AGBL4: variants seen among roughly 807,000 people sequenced by gnomAD.
AGBL4 encodes AGBL carboxypeptidase 4.
A neutral mutation model predicts 66.4 loss-of-function variants in AGBL4; 58 were observed. That is an observed-to-expected ratio of 0.87 (90% confidence interval 0.71 to 1.09). The LOEUF (loss-of-function observed/expected upper bound fraction) is 1.09, where lower values mean the gene tolerates loss of function less well. Ranked by LOEUF, AGBL4 falls within the 50% of genes least tolerant of loss-of-function variation. AGBL4 has a pLI of 0.00. For synonymous variants in AGBL4, 234 were observed against 222.9 expected, an observed-to-expected ratio of 1.05 and a Z score of -0.44; for missense variants, 579 against 631.0, an observed-to-expected ratio of 0.92 and a Z score of 0.88.
intron 1 of AGBL4, among the ~76,000 whole-genome samples, chr1:49,950,243 T>C (rs1656037867): frequency 6.6e-6 from 1 of 150,380 alleles, no homozygotes; most frequent in South Asian, 2.1e-4. Flanking sequence ...GAACTAATGG[T>C]ATTCATGGCA....
At chr1:48,954,133 T>C (rs1175372794) in intron 5 of AGBL4, among the ~76,000 whole-genome samples, 1 of 152,160 alleles carries the variant, frequency 6.6e-6, no homozygotes, top group Non-Finnish European at 1.5e-5. Context: ...GATTTGCACT[T>C]CAATTCCCTC....
chr1:49,433,493 G>C (rs1233440290), intron 3 of AGBL4, among the ~76,000 whole-genome samples: 1 of 152,130 alleles, frequency 6.6e-6, no homozygotes, highest in Non-Finnish European at 1.5e-5. Flanking sequence ...GATGATTGTT[G>C]AGTGAGAGAA....
chr1:49,245,959 G>T (rs1651610546), intron 3 of AGBL4, 95 bp from the exon 4 acceptor site: 7 of 913,994 alleles, frequency 7.7e-6, no homozygotes, highest in South Asian at 1.5e-5. Flanking sequence ...GTTAAAGAAA[G>T]CCATATGGAC....
intron 3 of AGBL4, among the ~76,000 whole-genome samples, chr1:49,261,727 A>C (rs1653189197): frequency 1.3e-5 from 2 of 149,388 alleles, no homozygotes; most frequent in Admixed American, 1.3e-4. Flanking sequence ...GAAAATGGCC[A>C]TACTGCCCAA....
intron 8 of AGBL4, among the ~76,000 whole-genome samples, chr1:48,650,961 C>G (rs1330050600): frequency 1.3e-5 from 2 of 152,298 alleles, no homozygotes; most frequent in African/African-American, 4.8e-5. Flanking sequence ...CAAGTCTCAC[C>G]AAACCATGGA....
At chr1:49,277,955 C>T (rs950328480) in intron 3 of AGBL4, among the ~76,000 whole-genome samples, 2 of 152,006 alleles carry the variant, frequency 1.3e-5, no homozygotes, top group Non-Finnish European at 2.9e-5. Context: ...CTGTTTTGTT[C>T]TAAGTACTTA....
At chr1:49,455,965 T>A (rs1208228004) in intron 3 of AGBL4, among the ~76,000 whole-genome samples, 1 of 151,772 alleles carries the variant, frequency 6.6e-6, no homozygotes, top group Non-Finnish European at 1.5e-5. Flanking sequence ...CTTTGCAGCA[T>A]TGTCTATAGA....
At chr1:49,140,470 T>A (rs12046105) in intron 4 of AGBL4, among the ~76,000 whole-genome samples, 6,375 of 152,264 alleles carry the variant, frequency 0.042, 176 homozygotes, top group East Asian at 0.073. Flanking sequence ...CAACCCAATC[T>A]TTTTAAGACA....
intron 2 of AGBL4, among the ~76,000 whole-genome samples, chr1:49,707,498 C>T (rs898169622): frequency 4.0e-5 from 6 of 151,424 alleles, no homozygotes; most frequent in African/African-American, 1.5e-4. Context: ...GATCTTGACC[C>T]TTTATCTAAT....
At chr1:48,996,821 T>TCCTTCCTC (rs1487871900) in intron 5 of AGBL4, among the ~76,000 whole-genome samples, 1 of 128,998 alleles carries the variant, frequency 7.8e-6, no homozygotes, top group Admixed American at 7.2e-5. Flanking sequence ...CTTCCTCCCT[T>TCCTTCCTC]CCTTCCTTCC....
intron 5 of AGBL4, among the ~76,000 whole-genome samples, chr1:48,972,059 A>G (rs1172157839): frequency 6.6e-6 from 1 of 152,140 alleles, no homozygotes; most frequent in Non-Finnish European, 1.5e-5. Flanking sequence ...CTGCATGACT[A>G]TGGGTCAGTA....
At chr1:49,874,904 C>T (rs574772648) in intron 1 of AGBL4, among the ~76,000 whole-genome samples, 2 of 150,936 alleles carry the variant, frequency 1.3e-5, no homozygotes, top group South Asian at 4.2e-4. Context: ...ATACATGTGA[C>T]ATGCTGGTGT....
chr1:49,943,380 G>T (rs970016383), intron 1 of AGBL4, among the ~76,000 whole-genome samples: 8 of 152,088 alleles, frequency 5.3e-5, no homozygotes, highest in African/African-American at 1.9e-4. Flanking sequence ...AATCAGGAAA[G>T]CCAAGAGAAC....
intron 4 of AGBL4, among the ~76,000 whole-genome samples, chr1:49,162,067 A>G (rs934128656): frequency 6.6e-6 from 1 of 152,198 alleles, no homozygotes; most frequent in East Asian, 1.9e-4. Context: ...CAACAGAGAT[A>G]GGGGTACCTT....
chr1:48,665,689 T>TAC (rs1646175394), intron 6 of AGBL4, among the ~76,000 whole-genome samples: 1 of 151,520 alleles, frequency 6.6e-6, no homozygotes, highest in African/African-American at 2.5e-5. Context: ...CATTTCCATT[T>TAC]ACAATTTACA....
intron 4 of AGBL4, among the ~76,000 whole-genome samples, chr1:49,139,484 G>A (rs1407896517): frequency 1.3e-5 from 2 of 152,054 alleles, no homozygotes; most frequent in Non-Finnish European, 2.9e-5. Context: ...CTGGTAGAGT[G>A]GGAATTCAAA....
intron 6 of AGBL4, among the ~76,000 whole-genome samples, chr1:48,806,286 C>A (rs1645922092): frequency 6.6e-6 from 1 of 152,052 alleles, no homozygotes; most frequent in South Asian, 2.1e-4. Flanking sequence ...TAGAATGGGG[C>A]AAAAAGATGT....
intron 2 of AGBL4, among the ~76,000 whole-genome samples, chr1:49,791,740 T>G (rs574511226): frequency 3.3e-5 from 5 of 152,136 alleles, no homozygotes; most frequent in Non-Finnish European, 7.4e-5. Context: ...TATCTCATGA[T>G]AGAAGACTCT....
intron 1 of AGBL4, among the ~76,000 whole-genome samples, chr1:50,001,573 T>C (rs1660760193): frequency 1.3e-5 from 2 of 151,810 alleles, no homozygotes; most frequent in South Asian, 4.2e-4. Flanking sequence ...GGGTTGCAAA[T>C]TTTAGGAGCT....
Sources: gnomAD v4.1 joint callset for allele counts (sites outside exome capture counted in the v4.1 genomes callset) on GRCh38, gnomAD v4.1.1 for gene constraint, MANE v1.5 for transcripts, NCBI Gene and HGNC (gene_info 2026-07-23, HGNC 2026-07-21) for gene names.